The following JAM2 variants were observed in gnomAD, a reference collection of about 807,000 sequenced individuals.
JAM2 encodes the protein junctional adhesion molecule 2.
A neutral mutation model predicts 42.0 loss-of-function variants in JAM2; 17 were observed. The ratio of observed to expected loss-of-function variants is 0.40; its 90% CI spans 0.28 to 0.61. JAM2 has a LOEUF of 0.61. Among genes scored for constraint, JAM2 ranks in the 20% least tolerant of loss-of-function variants. JAM2 has a pLI of 0.37. For synonymous variants in JAM2, 118 were observed against 128.6 expected (o/e 0.92, Z 0.56); for missense variants, 319 against 358.3 (o/e 0.89, Z 0.89).
chr21:25,712,064 T>C (rs373374252), intron 8 of JAM2: 3 of 340,194 alleles, frequency 8.8e-6, no homozygotes, highest in African/African-American at 6.4e-5. Flanking sequence ...AGTAAGTCTC[T>C]GGTTTGTGTA....
intron 1 of JAM2, among the ~76,000 whole-genome samples, chr21:25,646,595 A>G (rs984630265): frequency 6.6e-5 from 10 of 151,902 alleles, no homozygotes; most frequent in African/African-American, 2.2e-4. Flanking sequence ...AGAGAAGGAG[A>G]GAGAGAGAGA....
chr21:25,678,808 T>TA lies in JAM2; in HGVS notation c.68-5068dup, dbSNP rs557724003. 8.5e-5 allele frequency among the ~76,000 whole-genome samples: 13 copies of TA among 152,254 alleles called. No homozygotes were observed. In the South Asian group the frequency reaches 2.3e-3, roughly 27 times the overall value. Reference sequence around the variant, plus strand: ...TTGTGTCCCACAGACTTTTGCAAATTAAAAAAATATATATTTTGAGTCACT... The same window carrying TA: ...TTGTGTCCCACAGACTTTTGCAAATTAAAAAAAATATATATTTTGAGTCACT... On this transcript the variant is annotated intron_variant, in intron 1 of 9. Transcript: ENST00000480456.
chr21:25,704,979 T>C (rs751657279), intron 6 of JAM2, among the ~76,000 whole-genome samples: 1 of 152,200 alleles, frequency 6.6e-6, no homozygotes, highest in Non-Finnish European at 1.5e-5. Context: ...AGAAAAAAAC[T>C]TCACAGTAGT....
At position 25,698,837 on chromosome 21, in the gene JAM2, C is replaced by G. The variant is rs1333859945; in HGVS notation, c.555C>G (p.Ser185Arg). ...LLENPRLGSQ[S>R]TNSSYTMNTK... ...AAAATCCCAGACTTGGCTCCCAAAG[C>G]ACCAACAGCTCATACACAATGAATA... The change falls in exon 5 of 10, where the codon AGC (serine) becomes AGG (arginine). Residue 185 changes from serine (S) to arginine (R), a missense_variant. Ser to Arg is a moderately radical substitution (Grantham distance 110). Coordinates refer to ENST00000480456, the MANE Select transcript of JAM2 (RefSeq NM_021219.4). The G allele has an allele frequency of 6.2e-7, 1 of 1,614,170 alleles. No homozygotes were observed. Among genetic ancestry groups the G allele is most frequent in the Non-Finnish European group, 8.5e-7 (1 of 1,180,026 alleles).
chr21:25,646,195 T>C (rs1246365988), intron 1 of JAM2, among the ~76,000 whole-genome samples: 1 of 152,246 alleles, frequency 6.6e-6, no homozygotes, highest in African/African-American at 2.4e-5. Context: ...TGGTTCATTG[T>C]TGACCAAAAT....
chr21:25,692,373 A>C (rs1427902463), intron 3 of JAM2: 3 of 186,368 alleles, frequency 1.6e-5, no homozygotes, highest in Non-Finnish European at 3.5e-5. Context: ...CACATATTTG[A>C]GAAGTTAGAC....
chr21:25,675,571 GGAAGGAAGGAAGGAAGGAAGGAAA>G (rs2033467129), intron 1 of JAM2, among the ~76,000 whole-genome samples: 1 of 145,370 alleles, frequency 6.9e-6, no homozygotes, highest in Non-Finnish European at 1.5e-5. Context: ...AAGGAAGGAG[GGAAGGAAGGAAGGAAGGAAGGAAA>G]GAAGGAAGGA....
At chr21:25,660,781 TA>T (rs1481731828) in intron 1 of JAM2, among the ~76,000 whole-genome samples, 49 of 77,302 alleles carry the variant, frequency 6.3e-4, no homozygotes, top group African/African-American at 1.9e-3. Context: ...TATATATATA[TA>T]TTTTTTTTTT....
At chr21:25,689,716 A>G in intron 2 of JAM2, 150 bp from the exon 3 acceptor site, 1 of 568,116 alleles carries the variant, frequency 1.8e-6, no homozygotes, top group East Asian at 3.0e-5. Context: ...CTTCCAATTC[A>G]TGGGACCTGT....
chr21:25,646,838 C>G (rs1276637682), intron 1 of JAM2, among the ~76,000 whole-genome samples: 1 of 152,188 alleles, frequency 6.6e-6, no homozygotes, highest in African/African-American at 2.4e-5. Context: ...GTAAACTTAA[C>G]AGACAGGAAT....
chr21:25,675,705 A>G (rs2033472991), intron 1 of JAM2, among the ~76,000 whole-genome samples: 1 of 152,144 alleles, frequency 6.6e-6, no homozygotes, highest in Non-Finnish European at 1.5e-5. Context: ...GCTCACTATC[A>G]TGACAACAGT....
intron 3 of JAM2, among the ~76,000 whole-genome samples, chr21:25,691,759 G>A (rs2123384019): frequency 6.6e-6 from 1 of 152,260 alleles, no homozygotes; most frequent in East Asian, 1.9e-4. Context: ...GCTGGGCACA[G>A]TGGCTCATGT....
chr21:25,690,016 C>G, intron 3 of JAM2, 43 bp downstream of exon 3: 1 of 1,153,854 alleles, frequency 8.7e-7, no homozygotes, highest in Non-Finnish European at 1.3e-6. Flanking sequence ...AAGAGAATGC[C>G]AAGTACAACC....
rs1001088254 is a variant in JAM2, at chr21:25,676,288, A to G, written c.68-7595A>G. On this transcript the variant is annotated intron_variant, in intron 1 of 9. Coordinates refer to ENST00000480456, the MANE Select transcript of JAM2 (RefSeq NM_021219.4). ...GGGTGACACAGAGAGACTCGTCTCA[A>G]AAAAAAAAAAAAAAAGAAAAAGAAA... 2.2e-5 allele frequency among the ~76,000 whole-genome samples: 3 copies of G among 138,698 alleles called. No homozygotes were observed. In the Admixed American group the frequency reaches 2.2e-4, roughly 10 times the overall value. The allele number at this position is 138,698 out of a possible 152,430, so 91.0% of individuals were successfully genotyped here.
At chr21:25,650,453 A>G (rs2032741668) in intron 1 of JAM2, among the ~76,000 whole-genome samples, 1 of 152,186 alleles carries the variant, frequency 6.6e-6, no homozygotes, top group Non-Finnish European at 1.5e-5. Context: ...ACATGTAAGA[A>G]TCTCAGCTCC....
At chr21:25,663,957 C>A (rs917770061) in intron 1 of JAM2, among the ~76,000 whole-genome samples, 1 of 152,140 alleles carries the variant, frequency 6.6e-6, no homozygotes, top group Non-Finnish European at 1.5e-5. Flanking sequence ...CTCTCTCTGT[C>A]ATGTATCTTC....
chr21:25,703,872 A>G (rs1338265841), intron 6 of JAM2, among the ~76,000 whole-genome samples: 1 of 152,060 alleles, frequency 6.6e-6, no homozygotes, highest in East Asian at 1.9e-4. Context: ...GAAAATGGTG[A>G]ACAGGATGTA....
At chr21:25,680,968 A>G (rs1188787649) in intron 1 of JAM2, among the ~76,000 whole-genome samples, 2 of 152,184 alleles carry the variant, frequency 1.3e-5, no homozygotes, top group African/African-American at 4.8e-5. Flanking sequence ...GTCAGGTAAG[A>G]TACAGACTGA....
intron 1 of JAM2, among the ~76,000 whole-genome samples, chr21:25,666,379 C>T (rs2033223088): frequency 6.7e-6 from 1 of 148,482 alleles, no homozygotes; most frequent in Non-Finnish European, 1.5e-5. Flanking sequence ...TGCTGGAGTG[C>T]AATGGCGCGA....
Sources: gnomAD v4.1 joint callset for allele counts (sites outside exome capture counted in the v4.1 genomes callset) on GRCh38, gnomAD v4.1.1 for gene constraint, MANE v1.5 for transcripts, NCBI Gene and HGNC (gene_info 2026-07-23, HGNC 2026-07-21) for gene names.